The following CTNNBL1 variants were observed in gnomAD, a reference collection of about 807,000 sequenced individuals.
CTNNBL1 encodes beta-catenin-like protein 1.
CTNNBL1 carries 31 observed loss-of-function variants against 72.7 expected under a neutral mutation model. The observed-to-expected ratio is 0.43, with a 90% confidence interval of 0.32 to 0.58. The LOEUF (loss-of-function observed/expected upper bound fraction) is 0.58. Among genes scored for constraint, CTNNBL1 ranks in the 20% least tolerant of loss-of-function variants. CTNNBL1 has a pLI of 0.08. For synonymous variants in CTNNBL1, 240 were observed against 267.3 expected, an observed-to-expected ratio of 0.90 and a Z score of 1.00; for missense variants, 534 against 725.1, an observed-to-expected ratio of 0.74 and a Z score of 3.03.
intron 4 of CTNNBL1, among the ~76,000 whole-genome samples, chr20:37,752,556 C>CT (rs551563749): frequency 0.11 from 15,333 of 143,554 alleles, 1,053 homozygotes; most frequent in African/African-American, 0.2. Context: ...TCTTATTTCT[C>CT]TTTTTTTTTT....
At chr20:37,814,947 C>A (rs6021096) in intron 11 of CTNNBL1, among the ~76,000 whole-genome samples, 1 of 152,024 alleles carries the variant, frequency 6.6e-6, no homozygotes, top group African/African-American at 2.4e-5. Context: ...TAAACTCATG[C>A]AGAAAATTTT....
At chr20:37,780,872 T>G (rs1312852197) in intron 10 of CTNNBL1, among the ~76,000 whole-genome samples, 4 of 152,174 alleles carry the variant, frequency 2.6e-5, no homozygotes, top group Non-Finnish European at 4.4e-5. Flanking sequence ...CCGTTTTACT[T>G]AAAGTTGCCA....
At chr20:37,771,447 T>G (rs2122675801) in intron 7 of CTNNBL1, among the ~76,000 whole-genome samples, 1 of 152,340 alleles carries the variant, frequency 6.6e-6, no homozygotes, top group South Asian at 2.1e-4. Flanking sequence ...TTCAGAAACT[T>G]ACCTGGAGTG....
chr20:37,848,549 C>T (rs1166498406), intron 13 of CTNNBL1, among the ~76,000 whole-genome samples: 1 of 152,110 alleles, frequency 6.6e-6, no homozygotes, highest in East Asian at 1.9e-4. Flanking sequence ...TGACAGGGGG[C>T]CTGGGGGCAG....
At chr20:37,779,455 A>C in intron 10 of CTNNBL1, 120 bp downstream of exon 10, 2 of 1,142,924 alleles carry the variant, frequency 1.7e-6, no homozygotes, top group Non-Finnish European at 2.5e-6. Context: ...CTTTACCCTG[A>C]AGAGTAAAGT....
At chr20:37,744,487 G>A (rs935481376) in intron 3 of CTNNBL1, among the ~76,000 whole-genome samples, 3 of 152,164 alleles carry the variant, frequency 2.0e-5, no homozygotes, top group Non-Finnish European at 2.9e-5. Context: ...ATCACAGTAC[G>A]TCTACTCAAG....
At chr20:37,861,932 G>T (rs1393060912) in intron 15 of CTNNBL1, among the ~76,000 whole-genome samples, 1 of 152,204 alleles carries the variant, frequency 6.6e-6, no homozygotes, top group African/African-American at 2.4e-5. Context: ...GGTCTGAGAG[G>T]CTAGGACAGA....
chr20:37,751,864 A>G (rs764049918), intron 4 of CTNNBL1, among the ~76,000 whole-genome samples: 2 of 152,220 alleles, frequency 1.3e-5, no homozygotes, highest in African/African-American at 2.4e-5. Context: ...GCTAGGAGCT[A>G]TATTTGTCTT....
chr20:37,809,655 G>A (rs967430060), intron 11 of CTNNBL1, among the ~76,000 whole-genome samples: 10 of 152,180 alleles, frequency 6.6e-5, no homozygotes, highest in Non-Finnish European at 8.8e-5. Context: ...TCTCTGAATT[G>A]CTGATAGTCA....
At chr20:37,793,780 C>CT (rs1177593956) in intron 10 of CTNNBL1, among the ~76,000 whole-genome samples, 5 of 152,136 alleles carry the variant, frequency 3.3e-5, no homozygotes, top group South Asian at 4.2e-4. Context: ...GGTCAGTTAT[C>CT]TTTTTTTTCT....
At chr20:37,830,898 T>G (rs2072203125) in intron 11 of CTNNBL1, among the ~76,000 whole-genome samples, 1 of 152,210 alleles carries the variant, frequency 6.6e-6, no homozygotes, top group African/African-American at 2.4e-5. Context: ...CATGGGTACT[T>G]GATGTACGGT....
At position 37,777,224 on chromosome 20, in the gene CTNNBL1, C is replaced by T. The variant is rs576978463; in HGVS notation, c.751-121C>T. On this transcript the variant is annotated intron_variant, in intron 7 of 15. Coordinates refer to ENST00000361383, the MANE Select transcript of CTNNBL1 (RefSeq NM_030877.5). ...AGGCAGACGTTTTTACCCTTAACTGCCTTTTCCTTTTCTAACTTCTGCTTC... is the reference window on the plus strand; with the variant it reads ...AGGCAGACGTTTTTACCCTTAACTGTCTTTTCCTTTTCTAACTTCTGCTTC... 14 of 753,284 alleles carry T rather than the reference C, an allele frequency of 1.9e-5. No individual in the cohort carries two copies. In the South Asian group the frequency reaches 2.2e-4, roughly 12 times the overall value. 46.7% of individuals were successfully genotyped at this position (753,284 alleles called of 1,614,324 possible).
intron 15 of CTNNBL1, among the ~76,000 whole-genome samples, chr20:37,868,191 GT>G (rs751166374): frequency 6.6e-6 from 1 of 152,004 alleles, no homozygotes; most frequent in Non-Finnish European, 1.5e-5. Flanking sequence ...ACAGAGCAGA[GT>G]TTTTTTTCCC....
intron 1 of CTNNBL1, among the ~76,000 whole-genome samples, chr20:37,699,132 C>T (rs2072818331): frequency 6.6e-6 from 1 of 152,218 alleles, no homozygotes; most frequent in East Asian, 1.9e-4. Flanking sequence ...CCAGCATGAT[C>T]TATCTAAATC....
intron 11 of CTNNBL1, among the ~76,000 whole-genome samples, chr20:37,834,856 G>C (rs1285785835): frequency 1.3e-5 from 2 of 152,146 alleles, no homozygotes; most frequent in East Asian, 3.8e-4. Context: ...CAAGCCTACT[G>C]GCATAGATAA....
chr20:37,717,613 TTC>T (rs1426046160), intron 1 of CTNNBL1, among the ~76,000 whole-genome samples: 3 of 151,454 alleles, frequency 2.0e-5, no homozygotes, highest in Admixed American at 6.6e-5. Context: ...CTTTTTTCTT[TTC>T]TTTTTTTTTT....
At position 37,715,546 on chromosome 20, in the gene CTNNBL1, T is replaced by C. The variant is rs546126550; in HGVS notation, c.31-17333T>C. On this transcript the variant is annotated intron_variant, in intron 1 of 15. Transcript: ENST00000361383. ...GCCTCCTAAGAAGTTATTTGTGAGA[T>C]TTATATCTGACTTTGCCTTTTGAGG... 7.2e-5 allele frequency among the ~76,000 whole-genome samples: 11 copies of C among 152,278 alleles called. No homozygotes were observed. The South Asian group carries it at 2.3e-3, about 32-fold the overall frequency.
chr20:37,735,222 T>G (rs534650103), intron 2 of CTNNBL1, among the ~76,000 whole-genome samples: 1 of 150,930 alleles, frequency 6.6e-6, no homozygotes, highest in African/African-American at 2.4e-5. Flanking sequence ...TCCCCTCCCC[T>G]CCCCTCCTCC....
rs529164120 is a variant in CTNNBL1, at chr20:37,790,540, C to T, written c.1031+11205C>T. Among the ~76,000 whole-genome samples the T allele has an allele frequency of 3.3e-5, 5 of 152,304 alleles. No homozygotes were observed. The South Asian group carries it at 8.3e-4, about 25-fold the overall frequency. On this transcript the variant is annotated intron_variant, in intron 10 of 15. Transcript: ENST00000361383. ...CCTCTTCAAGTTTAATATTACCATT[C>T]TCCCTTAGATGGATAGTGGTAGTTT...
Sources: gnomAD v4.1 joint callset for allele counts (sites outside exome capture counted in the v4.1 genomes callset) on GRCh38, gnomAD v4.1.1 for gene constraint, MANE v1.5 for transcripts, NCBI Gene and HGNC (gene_info 2026-07-23, HGNC 2026-07-21) for gene names.